Variants in EEFSEC observed in about 807,000 individuals in gnomAD.
EEFSEC encodes selenocysteine-specific elongation factor.
In EEFSEC, 43 loss-of-function variants were observed where a neutral mutation model predicts 42.1. The observed-to-expected ratio is 1.02, with a 90% CI of 0.80 to 1.32. The LOEUF (loss-of-function observed/expected upper bound fraction) is 1.32. Ranked by LOEUF, EEFSEC falls within the 40% of genes most tolerant of loss-of-function variation. The pLI is 0.00. For missense variants in EEFSEC, 745 were observed against 803.6 expected, an observed-to-expected ratio of 0.93 and a Z score of 0.88; for synonymous variants, 354 against 339.1, an observed-to-expected ratio of 1.04 and a Z score of -0.48.
chr3:128,330,060 G>A (rs1262698885), intron 4 of EEFSEC, among the ~76,000 whole-genome samples: 2 of 152,208 alleles, frequency 1.3e-5, no homozygotes, highest in African/African-American at 4.8e-5. Context: ...GCCCAGGGAT[G>A]TCATTAAAAA....
At chr3:128,391,340 C>T (rs1230585673) in intron 6 of EEFSEC, among the ~76,000 whole-genome samples, 4 of 152,236 alleles carry the variant, frequency 2.6e-5, no homozygotes, top group African/African-American at 9.6e-5. Context: ...AGCAGCCTCC[C>T]ATCTGTCTCC....
chr3:128,302,430 G>A (rs781683071), intron 4 of EEFSEC, among the ~76,000 whole-genome samples: 1 of 152,108 alleles, frequency 6.6e-6, no homozygotes, highest in Admixed American at 6.5e-5. Context: ...CCTGCAGGCC[G>A]ACTGATTTAA....
At chr3:128,307,146 A>T (rs888558718) in intron 4 of EEFSEC, among the ~76,000 whole-genome samples, 1 of 152,262 alleles carries the variant, frequency 6.6e-6, no homozygotes, top group African/African-American at 2.4e-5. Context: ...CTGGCCACAC[A>T]TGGGGCCTTG....
the EEFSEC span, among the ~76,000 whole-genome samples, chr3:128,419,886 G>A: frequency 6.6e-6 from 1 of 152,178 alleles, no homozygotes; most frequent in African/African-American, 2.4e-5. Flanking sequence ...GAGGCCTGGG[G>A]TTCAGACACC....
At chr3:128,213,154 C>T (rs2065776413) in intron 1 of EEFSEC, among the ~76,000 whole-genome samples, 1 of 152,178 alleles carries the variant, frequency 6.6e-6, no homozygotes, top group South Asian at 2.1e-4. Flanking sequence ...ACGCTAGGTC[C>T]GAGACCTGGG....
At chr3:128,422,568 A>G in the EEFSEC span, among the ~76,000 whole-genome samples, 2 of 151,918 alleles carry the variant, frequency 1.3e-5, no homozygotes, top group African/African-American at 2.4e-5. Context: ...ACTCGTTCTC[A>G]CTCCTCGGGC....
chr3:128,264,550 C>A, intron 3 of EEFSEC, 67 bp from the exon 4 acceptor site: 1 of 1,544,070 alleles, frequency 6.5e-7, no homozygotes, highest in Non-Finnish European at 8.8e-7. Context: ...ACATTCTCTG[C>A]CTTCCTCTGC....
At chr3:128,235,482 C>A (rs200448798) in intron 1 of EEFSEC, among the ~76,000 whole-genome samples, 2 of 5,080 alleles carry the variant, frequency 3.9e-4, no homozygotes, top group Non-Finnish European at 1.8e-3. Flanking sequence ...TCTTCCTTTT[C>A]CCCCTGCTTA....
downstream of EEFSEC, among the ~76,000 whole-genome samples, chr3:128,413,250 G>T (rs987914313): frequency 6.6e-6 from 1 of 152,170 alleles, no homozygotes; most frequent in African/African-American, 2.4e-5. Flanking sequence ...AAACTTGAGA[G>T]GAGAGGTACG....
intron 5 of EEFSEC, among the ~76,000 whole-genome samples, chr3:128,353,137 A>G (rs749437535): frequency 1.3e-5 from 2 of 152,240 alleles, no homozygotes. Context: ...ATATATATTC[A>G]AATAACTTTA....
At chr3:128,283,243 G>T (rs943216810) in intron 4 of EEFSEC, among the ~76,000 whole-genome samples, 1 of 151,800 alleles carries the variant, frequency 6.6e-6, no homozygotes, top group African/African-American at 2.4e-5. Context: ...AAAGCTTGAG[G>T]ATACTGATTC....
chr3:128,163,766 T>C (rs1436645263), intron 1 of EEFSEC, among the ~76,000 whole-genome samples: 1 of 152,114 alleles, frequency 6.6e-6, no homozygotes, highest in Non-Finnish European at 1.5e-5. Flanking sequence ...TGACCGGTCC[T>C]GGACATTTCA....
At chr3:128,323,755 G>A (rs370303450) in intron 4 of EEFSEC, among the ~76,000 whole-genome samples, 1 of 152,238 alleles carries the variant, frequency 6.6e-6, no homozygotes, top group East Asian at 1.9e-4. Flanking sequence ...CCCCAGGGCA[G>A]ATCATGGAGA....
At chr3:128,373,770 G>T (rs1370339195) in intron 6 of EEFSEC, among the ~76,000 whole-genome samples, 1 of 152,134 alleles carries the variant, frequency 6.6e-6, no homozygotes, top group African/African-American at 2.4e-5. Context: ...TCTGGAGGGG[G>T]CTAACCAAAA....
Position 128,408,164 on chromosome 3 carries a change from G to T in EEFSEC, c.1696G>T (p.Ala566Ser). The T allele has an allele frequency of 6.2e-7, 1 of 1,612,816 alleles. No individual in the cohort carries two copies. Among genetic ancestry groups the T allele is most frequent in the Non-Finnish European group, 8.5e-7 (1 of 1,179,434 alleles). ...RGEATRQEES[A>S]ERSEPSQHVV... ...GGAGGCCACCAGGCAGGAGGAGAGC[G>T]CCGAGCGGAGCGAGCCCTCACAGCA... is the stretch of plus-strand genomic sequence containing the variant. The change falls in exon 7 of 7, where the codon GCC becomes TCC. Residue 566 changes from alanine to serine, a missense_variant. Coordinates refer to ENST00000254730, the MANE Select transcript of EEFSEC (RefSeq NM_021937.5).
intron 5 of EEFSEC, among the ~76,000 whole-genome samples, chr3:128,342,814 G>T (rs1026485266): frequency 6.6e-6 from 1 of 152,176 alleles, no homozygotes; most frequent in Non-Finnish European, 1.5e-5. Flanking sequence ...CCAAAGTAGT[G>T]GAATCACCTC....
At chr3:128,236,949 A>G (rs941188049) in intron 1 of EEFSEC, among the ~76,000 whole-genome samples, 3 of 152,228 alleles carry the variant, frequency 2.0e-5, no homozygotes, top group African/African-American at 7.2e-5. Flanking sequence ...CTGGACTGTG[A>G]GTTCTCGATT....
Position 128,317,737 on chromosome 3 carries a change from T to C in EEFSEC, c.787-23496T>C, listed in dbSNP as rs763917276. 1.3e-5 allele frequency among the ~76,000 whole-genome samples: 2 copies of C among 152,200 alleles called. No homozygotes were observed. Among genetic ancestry groups the C allele is most frequent in the Admixed American group, 6.5e-5 (1 of 15,286 alleles). Reference sequence around the variant, plus strand: ...GCAGCCATTTGTGCTCACGTACCATTCTCTCGCCGGCTGCTGACCAGTTGG... The same window carrying C: ...GCAGCCATTTGTGCTCACGTACCATCCTCTCGCCGGCTGCTGACCAGTTGG... On this transcript the variant is annotated intron_variant, in intron 4 of 6. Transcript: ENST00000254730. This position sits in a 1 kb window ranked among gnomAD's most constrained non-coding sequence, Gnocchi z 4.1.
chr3:128,262,132 C>G lies in EEFSEC; in HGVS notation c.529C>G (p.Arg177Gly). The change falls in exon 3 of 7, where the codon CGA becomes GGA. Residue 177 changes from arginine (R) to glycine (G), a missense_variant. Arg to Gly is a moderately radical substitution (Grantham distance 125). Coordinates refer to ENST00000254730, the MANE Select transcript of EEFSEC (RefSeq NM_021937.5). Reference sequence around the variant, plus strand: ...GGGACTTATTTTCCATTTCAGGTTCCGAGGTGCACCGATTATACCCGTGGC... The same window carrying G: ...GGGACTTATTTTCCATTTCAGGTTCGGAGGTGCACCGATTATACCCGTGGC... ...MQKTLENTKF[R>G]GAPIIPVAAK... The G allele has an allele frequency of 6.2e-7, 1 of 1,613,998 alleles. No homozygotes were observed. Among genetic ancestry groups the G allele is most frequent in the Non-Finnish European group, 8.5e-7 (1 of 1,179,972 alleles).
Sources: allele counts gnomAD v4.1 joint callset (sites outside exome capture counted in the v4.1 genomes callset), GRCh38; gene constraint gnomAD v4.1.1; non-coding constraint Gnocchi (gnomAD v3.1); transcripts MANE v1.5; gene names NCBI Gene and HGNC (gene_info 2026-07-23, HGNC 2026-07-21).